CADPS: variants seen among roughly 807,000 people sequenced by gnomAD.
The protein encoded by CADPS is calcium dependent secretion activator, also known as calcium-dependent secretion activator 1.
In CADPS, 57 loss-of-function variants were observed where a neutral mutation model predicts 167.3. The observed-to-expected ratio is 0.34, with a 90% CI of 0.28 to 0.42. The LOEUF (loss-of-function observed/expected upper bound fraction) is 0.42, where lower values mean the gene tolerates loss of function less well. CADPS is among the 20% of genes least tolerant of loss of function. The probability of loss-of-function intolerance (pLI) is 1.00; values close to 1 mark genes in which losing one functional copy is unlikely to be tolerated. For missense variants in CADPS, 1,414 were observed against 1,738.1 expected (o/e 0.81, Z 3.32); for synonymous variants, 676 against 635.3 (o/e 1.06, Z -0.96).
intron 3 of CADPS, among the ~76,000 whole-genome samples, chr3:62,735,046 C>T (rs1414967378): frequency 6.6e-6 from 1 of 152,052 alleles, no homozygotes; most frequent in Admixed American, 6.6e-5. Context: ...GGTATGTTCC[C>T]TGGAGAAATT....
intron 7 of CADPS, among the ~76,000 whole-genome samples, chr3:62,588,722 G>C (rs1225483702): frequency 1.3e-5 from 2 of 152,088 alleles, no homozygotes; most frequent in Non-Finnish European, 2.9e-5. Context: ...ATCCATAGAG[G>C]ATTTGTTAAA....
At chr3:62,547,735 C>A (rs762698554) in intron 11 of CADPS, among the ~76,000 whole-genome samples, 2 of 152,108 alleles carry the variant, frequency 1.3e-5, no homozygotes, top group East Asian at 3.9e-4. Flanking sequence ...AACTAGTGTT[C>A]TAATTTCACA....
intron 28 of CADPS, among the ~76,000 whole-genome samples, chr3:62,408,156 T>A (rs1426115233): frequency 2.0e-5 from 3 of 152,208 alleles, no homozygotes; most frequent in Non-Finnish European, 2.9e-5. Context: ...GCAAACATAC[T>A]GACTTCATGT....
intron 3 of CADPS, among the ~76,000 whole-genome samples, chr3:62,750,894 C>T (rs1319214829): frequency 6.6e-5 from 10 of 152,144 alleles, no homozygotes; most frequent in Admixed American, 2.6e-4. Flanking sequence ...ATTAATTAAT[C>T]CTATACTGCT....
chr3:62,785,892 A>G (rs951135824), intron 1 of CADPS, among the ~76,000 whole-genome samples: 2 of 150,920 alleles, frequency 1.3e-5, no homozygotes, highest in Admixed American at 6.6e-5. Context: ...TCTAGGACAC[A>G]AAGAAAAACT....
intron 2 of CADPS, among the ~76,000 whole-genome samples, chr3:62,764,729 A>G (rs1404673185): frequency 6.6e-6 from 1 of 152,350 alleles, no homozygotes; most frequent in Non-Finnish European, 1.5e-5. Flanking sequence ...GGGCTGAATC[A>G]GATGGGCAGA....
At chr3:62,484,144 T>C (rs2062451507) in intron 21 of CADPS, among the ~76,000 whole-genome samples, 1 of 152,154 alleles carries the variant, frequency 6.6e-6, no homozygotes, top group South Asian at 2.1e-4. Context: ...TAGAAACATT[T>C]CCTTCTCTTT....
intron 6 of CADPS, among the ~76,000 whole-genome samples, chr3:62,641,924 T>A (rs1288818472): frequency 6.6e-6 from 1 of 152,150 alleles, no homozygotes; most frequent in East Asian, 1.9e-4. Context: ...GAACGCAGTG[T>A]TATTATATTA....
chr3:62,508,983 C>A (rs978291754), intron 17 of CADPS, among the ~76,000 whole-genome samples: 5 of 151,774 alleles, frequency 3.3e-5, no homozygotes, highest in African/African-American at 1.2e-4. Context: ...GGCTTGGAAA[C>A]CCTGATTTAT....
intron 3 of CADPS, among the ~76,000 whole-genome samples, chr3:62,726,169 TG>T (rs2076706290): frequency 6.6e-6 from 1 of 151,808 alleles, no homozygotes; most frequent in South Asian, 2.1e-4. Flanking sequence ...AATTGAAGGA[TG>T]GAGGGATGAG....
rs544319418 is a variant in CADPS at position 62,507,860 on chromosome 3, T to C, written c.2599+4891A>G. ...TTCAAACAAATAATAAATTAATATATATAATGAGCACTTACTATGTGCCAG... is the reference window on the plus strand; with the variant it reads ...TTCAAACAAATAATAAATTAATATACATAATGAGCACTTACTATGTGCCAG... On this transcript the variant is annotated intron_variant, in intron 17 of 29. Coordinates refer to ENST00000383710, the MANE Select transcript of CADPS (RefSeq NM_003716.4). Among the ~76,000 whole-genome samples, 9 of 152,322 alleles carry C rather than the reference T, an allele frequency of 5.9e-5. No individual in the cohort carries two copies. The East Asian group carries it at 1.7e-3, about 29-fold the overall frequency.
At chr3:62,636,858 G>C (rs1268420825) in intron 6 of CADPS, among the ~76,000 whole-genome samples, 2 of 152,086 alleles carry the variant, frequency 1.3e-5, no homozygotes, top group Non-Finnish European at 2.9e-5. Flanking sequence ...ATCGAAGGCA[G>C]TCCACCCTCA....
At chr3:62,676,766 C>T (rs548144692) in intron 3 of CADPS, among the ~76,000 whole-genome samples, 1 of 152,252 alleles carries the variant, frequency 6.6e-6, no homozygotes, top group African/African-American at 2.4e-5. Context: ...CTGCTGGTTT[C>T]TGACCGTGCT....
At chr3:62,758,076 C>A (rs990442465) in intron 2 of CADPS, among the ~76,000 whole-genome samples, 5 of 152,194 alleles carry the variant, frequency 3.3e-5, no homozygotes, top group Admixed American at 6.5e-5. Context: ...AACCCTGAAT[C>A]CTGGGCATAG....
chr3:62,479,595 G>A (rs912983313), intron 22 of CADPS, among the ~76,000 whole-genome samples: 3 of 152,258 alleles, frequency 2.0e-5, no homozygotes, highest in African/African-American at 7.2e-5. Flanking sequence ...GCCCAAGCAT[G>A]CTGAGAGGGA....
chr3:62,576,638 A>AAT (rs1553936340), intron 8 of CADPS, among the ~76,000 whole-genome samples: 1 of 150,088 alleles, frequency 6.7e-6, no homozygotes. Flanking sequence ...TGAAAAAAAA[A>AAT]AAATTAGCTG....
In CADPS at chr3:62,412,494, G is replaced by A. The variant is rs1044212083; in HGVS notation, c.3778-9309C>T. On this transcript the variant is annotated intron_variant, in intron 28 of 29. Transcript: ENST00000383710. The surrounding 1 kb of genome is among the most constrained non-coding windows in gnomAD (Gnocchi z 4.1). ...TGCTGCTTCTGTGGGAAGGTATAAG[G>A]GATTTAACATTTGGGAGCATTATTT... 2.0e-5 allele frequency among the ~76,000 whole-genome samples: 3 copies of A among 152,012 alleles called. No individual in the cohort carries two copies. Among genetic ancestry groups the A allele is most frequent in the Non-Finnish European group, 4.4e-5 (3 of 68,010 alleles).
intron 6 of CADPS, among the ~76,000 whole-genome samples, chr3:62,628,593 C>G (rs1442036381): frequency 1.1e-4 from 16 of 149,446 alleles, no homozygotes; most frequent in African/African-American, 3.7e-4. Flanking sequence ...CACACACACA[C>G]ACACTCTCTC....
intron 17 of CADPS, among the ~76,000 whole-genome samples, chr3:62,507,983 A>C (rs982369302): frequency 6.6e-6 from 1 of 152,222 alleles, no homozygotes; most frequent in Non-Finnish European, 1.5e-5. Context: ...TAGAAAATAA[A>C]AGTGAGGTTA....
Sources: gnomAD v4.1 joint callset for allele counts (sites outside exome capture counted in the v4.1 genomes callset) on GRCh38, gnomAD v4.1.1 for gene constraint, Gnocchi (gnomAD v3.1) non-coding constraint, MANE v1.5 for transcripts, NCBI Gene and HGNC (gene_info 2026-07-23, HGNC 2026-07-21) for gene names.